MBLAC2: variants seen among roughly 807,000 people sequenced by gnomAD.
The protein encoded by MBLAC2 is metallo-beta-lactamase domain containing 2, also known as acyl-coenzyme A thioesterase MBLAC2.
Under a neutral mutation model 23.3 loss-of-function variants are expected in MBLAC2, and 24 were observed. The observed-to-expected ratio is 1.03, with a 90% confidence interval of 0.75 to 1.45. The LOEUF (loss-of-function observed/expected upper bound fraction) is 1.45. Ranked by LOEUF, MBLAC2 falls within the 40% of genes most tolerant of loss-of-function variation. The probability of loss-of-function intolerance (pLI) is 0.00; values close to 1 mark genes in which losing one functional copy is unlikely to be tolerated. For missense variants in MBLAC2, 358 were observed against 370.0 expected (o/e 0.97, Z 0.27); for synonymous variants, 162 against 150.9 (o/e 1.07, Z -0.54).
intron 1 of MBLAC2, among the ~76,000 whole-genome samples, chr5:90,466,908 C>A (rs1048063434): frequency 6.6e-6 from 1 of 152,150 alleles, no homozygotes; most frequent in Admixed American, 6.5e-5. Context: ...AAGGCTGAAG[C>A]TGGTGGATCA....
intron 1 of MBLAC2, 129 bp downstream of exon 1, chr5:90,473,710 A>G: frequency 4.4e-6 from 4 of 902,308 alleles, no homozygotes; most frequent in Non-Finnish European, 7.1e-6. Context: ...AGGGTGAAAC[A>G]GAAGTGGCTC....
At chr5:90,468,775 AC>A (rs2151892297) in intron 1 of MBLAC2, among the ~76,000 whole-genome samples, 1 of 152,250 alleles carries the variant, frequency 6.6e-6, no homozygotes, top group East Asian at 1.9e-4. Flanking sequence ...TCCAAAAGAA[AC>A]CCTCAAAACC....
Position 90,473,702 on chromosome 5 carries a change from G to C in MBLAC2, c.454+137C>G. The C allele has an allele frequency of 3.5e-6, 3 of 852,470 alleles. No individual in the cohort carries two copies. In the Admixed American group the frequency reaches 6.0e-5, roughly 17 times the overall value. 52.8% of individuals were successfully genotyped at this position (852,470 alleles called of 1,614,324 possible). A position where few individuals can be genotyped will look rare whatever the true frequency, so the allele number is the denominator to read the frequency against. ...TCAAGTGGGTTTTTACTCAGGGAAG[G>C]GTGAAACAGAAGTGGCTCTGCGAGG... is the stretch of plus-strand genomic sequence containing the variant. On this transcript the variant is annotated intron_variant, in intron 1 of 1. Coordinates refer to ENST00000316610, the MANE Select transcript of MBLAC2 (RefSeq NM_203406.2).
At position 90,467,557 on chromosome 5, in the gene MBLAC2, T is replaced by G. The variant is rs567615621; in HGVS notation, c.455-6005A>C. ...TCTCTACCCTTTTACCTTAAGTTCA[T>G]GTGAGTCTTTATGTGTTAGGTGAGT... On this transcript the variant is annotated intron_variant, in intron 1 of 1. Transcript: ENST00000316610. 1.4e-3 allele frequency among the ~76,000 whole-genome samples: 219 copies of G among 152,292 alleles called. 2 individuals are homozygous for G. The South Asian group carries it at 0.015, about 11-fold the overall frequency.
At chr5:90,473,583 G>C (rs1166967724) in intron 1 of MBLAC2, 8 of 656,452 alleles carry the variant, frequency 1.2e-5, no homozygotes, top group Non-Finnish European at 2.2e-5. Context: ...GGCTAGGGAG[G>C]GGGTGGTGCC....
intron 1 of MBLAC2, among the ~76,000 whole-genome samples, chr5:90,470,548 C>T (rs1220960000): frequency 1.3e-5 from 2 of 152,084 alleles, no homozygotes; most frequent in African/African-American, 4.8e-5. Flanking sequence ...ACCAAGGCTT[C>T]ACAGTAGAGA....
chr5:90,469,857 G>A (rs1220813796), intron 1 of MBLAC2, among the ~76,000 whole-genome samples: 3 of 152,144 alleles, frequency 2.0e-5, no homozygotes, highest in Admixed American at 6.5e-5. Context: ...ACTACCATAC[G>A]ACCTAGCAAT....
rs1750641823 is a variant in MBLAC2 at position 90,474,088 on chromosome 5, T to G, written c.205A>C (p.Lys69Gln). Residue 69 changes from lysine (K) to glutamine (Q), a missense_variant, in exon 1 of 2, where the codon AAA becomes CAA. Lys to Gln is a moderately conservative substitution (Grantham distance 53). Transcript: ENST00000316610. ...AGTGGCCGGCGCGCCGCGTCCTCTT[T>G]GGCCTCTCGGTCCTGCAAGAGGCCG... Reference protein sequence around the residue: ...SSGLLQDREAKEDAARRPLLA... With the variant: ...SSGLLQDREAQEDAARRPLLA... 3 of 1,574,940 alleles carry G rather than the reference T, an allele frequency of 1.9e-6. 1 individual carries two copies. Among genetic ancestry groups the G allele is most frequent in the South Asian group, 1.2e-5 (1 of 86,528 alleles).
chr5:90,462,887 A>G lies in MBLAC2; in HGVS notation c.455-1335T>C, dbSNP rs571214386. On this transcript the variant is annotated intron_variant, in intron 1 of 1. Transcript: ENST00000316610. ...TCAACCAACTTGACCTGACAAAAATAAAACACTTTACTCCAAAACAGCAAA... is the reference window on the plus strand; with the variant it reads ...TCAACCAACTTGACCTGACAAAAATGAAACACTTTACTCCAAAACAGCAAA... Among the ~76,000 whole-genome samples the G allele has an allele frequency of 2.0e-5, 3 of 152,340 alleles. No homozygotes were observed. In the East Asian group the frequency reaches 5.8e-4, roughly 29 times the overall value.
intron 1 of MBLAC2, among the ~76,000 whole-genome samples, chr5:90,468,901 C>G (rs547037792): frequency 6.6e-6 from 1 of 152,230 alleles, no homozygotes; most frequent in East Asian, 1.9e-4. Flanking sequence ...GACACACAAC[C>G]TATCAAAACC....
chr5:90,467,607 T>A (rs1750470211), intron 1 of MBLAC2, among the ~76,000 whole-genome samples: 1 of 152,176 alleles, frequency 6.6e-6, no homozygotes, highest in African/African-American at 2.4e-5. Flanking sequence ...AGAAACTTGG[T>A]TGGTGAATTC....
intron 1 of MBLAC2, among the ~76,000 whole-genome samples, chr5:90,467,397 A>T (rs1297348415): frequency 1.3e-5 from 2 of 152,056 alleles, no homozygotes; most frequent in Admixed American, 1.3e-4. Flanking sequence ...TAGAATTGTG[A>T]TATTTTCCTG....
chr5:90,460,989 G>C lies in MBLAC2; in HGVS notation c.*178C>G. ...AGCTTATTTAAGTGGCTTCTTTCTT[G>C]GAAGAAAGAAAACAATTTAAACTAA... On this transcript the variant is annotated 3_prime_UTR_variant, in exon 2 of 2. Coordinates refer to ENST00000316610, the MANE Select transcript of MBLAC2 (RefSeq NM_203406.2). 2 of 559,618 alleles carry C rather than the reference G, an allele frequency of 3.6e-6. No individual in the cohort carries two copies. Among genetic ancestry groups the C allele is most frequent in the Non-Finnish European group, 2.9e-6 (1 of 339,076 alleles). The allele number at this position is 559,618 out of a possible 1,614,324, so 34.7% of individuals were successfully genotyped here.
rs577351111 is a variant in MBLAC2, at chr5:90,473,900, G to C, written c.393C>G (p.Pro131=). Residue 131 remains proline, a synonymous_variant, in exon 1 of 2, where the codon CCC becomes CCG. Transcript: ENST00000316610. ...CCCGGAACTGTCTGGCCCTCCAGCC[G>C]GGGCTGGGCGTCCGCACCACCTCGC... ...SDSEVVRTPS[P]GWRARQFRVQ... 1.2e-4 allele frequency: 198 copies of C among 1,605,958 alleles called. 2 individuals carry two copies. Among genetic ancestry groups the C allele is most frequent in the Middle Eastern group, 9.9e-4 (6 of 6,054 alleles).
At chr5:90,471,152 T>C (rs1052261464) in intron 1 of MBLAC2, among the ~76,000 whole-genome samples, 2 of 152,214 alleles carry the variant, frequency 1.3e-5, no homozygotes, top group African/African-American at 2.4e-5. Context: ...GGGATTTAAA[T>C]TGAAATCACG....
intron 1 of MBLAC2, among the ~76,000 whole-genome samples, chr5:90,465,803 A>T (rs191431091): frequency 1.5e-4 from 23 of 152,248 alleles, no homozygotes; most frequent in Non-Finnish European, 2.9e-5. Context: ...CTGGCCTTAA[A>T]TGATCCTCCA....
At chr5:90,468,973 A>G (rs943060367) in intron 1 of MBLAC2, among the ~76,000 whole-genome samples, 116 of 152,340 alleles carry the variant, frequency 7.6e-4, no homozygotes, top group African/African-American at 2.6e-3. Context: ...CCTACATCAA[A>G]AAGTCTGAAA....
chr5:90,464,340 G>A (rs899183232), intron 1 of MBLAC2, among the ~76,000 whole-genome samples: 3 of 152,192 alleles, frequency 2.0e-5, no homozygotes, highest in African/African-American at 7.2e-5. Context: ...TTGGCAACAT[G>A]TGGGAGGACT....
chr5:90,470,786 G>C (rs867421934), intron 1 of MBLAC2, among the ~76,000 whole-genome samples: 1 of 49,640 alleles, frequency 2.0e-5, no homozygotes, highest in Non-Finnish European at 4.0e-5. Context: ...ACACACACAC[G>C]CTTTCTTTCT....
Sources: gnomAD v4.1 joint callset for allele counts (sites outside exome capture counted in the v4.1 genomes callset) on GRCh38, gnomAD v4.1.1 for gene constraint, MANE v1.5 for transcripts, NCBI Gene and HGNC (gene_info 2026-07-23, HGNC 2026-07-21) for gene names.